The following PDE7B variants were observed in gnomAD, a reference collection of about 807,000 sequenced individuals.
The protein encoded by PDE7B is phosphodiesterase 7B, also known as 3',5'-cyclic-AMP phosphodiesterase 7B.
PDE7B carries 29 observed loss-of-function variants against 56.2 expected under a neutral mutation model. The observed-to-expected ratio is 0.52, with a 90% CI of 0.38 to 0.70. PDE7B has a LOEUF of 0.70. Ranked by LOEUF, PDE7B falls within the 30% of genes least tolerant of loss-of-function variation. The pLI, the probability that PDE7B is intolerant of heterozygous loss-of-function variation, is 0.00. For synonymous variants in PDE7B, 197 were observed against 196.9 expected (o/e 1.00, Z 0.00); for missense variants, 490 against 565.0 (o/e 0.87, Z 1.35).
chr6:135,904,643 A>G (rs1776065560), intron 1 of PDE7B, among the ~76,000 whole-genome samples: 1 of 152,208 alleles, frequency 6.6e-6, no homozygotes, highest in Admixed American at 6.5e-5. Flanking sequence ...AAACACTGTG[A>G]TGTAAAATAA....
intron 1 of PDE7B, among the ~76,000 whole-genome samples, chr6:135,885,264 G>A (rs1412354838): frequency 1.3e-5 from 2 of 151,688 alleles, no homozygotes; most frequent in African/African-American, 2.4e-5. Context: ...TCATCATGAT[G>A]CCTTGAAAAT....
At chr6:135,889,683 C>T (rs1216868823) in intron 1 of PDE7B, among the ~76,000 whole-genome samples, 24 of 146,250 alleles carry the variant, frequency 1.6e-4, no homozygotes, top group African/African-American at 5.6e-4. Context: ...TCAGGTTATC[C>T]GCCCACCTCA....
chr6:136,029,812 CT>C (rs1361319086), intron 2 of PDE7B, among the ~76,000 whole-genome samples: 2 of 152,096 alleles, frequency 1.3e-5, no homozygotes, highest in Admixed American at 1.3e-4. Context: ...GTGTGCTGGG[CT>C]TTTTTCCCTT....
chr6:136,124,866 G>A (rs1777995677), intron 3 of PDE7B, among the ~76,000 whole-genome samples: 1 of 152,140 alleles, frequency 6.6e-6, no homozygotes, highest in Non-Finnish European at 1.5e-5. Context: ...TTGCCCTATT[G>A]TGTGAAGTTT....
At chr6:135,980,061 C>A (rs1325009689) in intron 2 of PDE7B, among the ~76,000 whole-genome samples, 2 of 152,060 alleles carry the variant, frequency 1.3e-5, no homozygotes, top group Non-Finnish European at 2.9e-5. Context: ...CTACAGTAAC[C>A]AAAACAGCAT....
chr6:136,052,350 CT>C (rs2128211334), intron 2 of PDE7B, among the ~76,000 whole-genome samples: 1 of 152,294 alleles, frequency 6.6e-6, no homozygotes, highest in African/African-American at 2.4e-5. Flanking sequence ...TTTTTCCTGG[CT>C]TCGGGTATGT....
At chr6:136,111,454 A>T (rs183471693) in intron 3 of PDE7B, among the ~76,000 whole-genome samples, 96 of 152,354 alleles carry the variant, frequency 6.3e-4, no homozygotes, top group African/African-American at 2.3e-3. Context: ...AATGCACCAA[A>T]GACCCCATTG....
In PDE7B at chr6:135,990,101, T is replaced by G. The variant is rs985626407; in HGVS notation, c.82+42577T>G. On this transcript the variant is annotated intron_variant, in intron 2 of 12. Coordinates refer to ENST00000308191, the MANE Select transcript of PDE7B (RefSeq NM_018945.4). ...TTTTGATTTTTGGGGTTTTTTTGTT[T>G]TTTTTTTTTTTTGAGACAGAGTCTC... is the stretch of plus-strand genomic sequence containing the variant. 1.4e-4 allele frequency among the ~76,000 whole-genome samples: 21 copies of G among 150,416 alleles called. 1 individual carries two copies. The highest frequency in any genetic ancestry group is 5.3e-4 in the Admixed American group (8 of 15,124).
At chr6:135,916,392 C>CTTTTTTTTTTTTTTTT (rs566408380) in intron 1 of PDE7B, among the ~76,000 whole-genome samples, 24 of 96,344 alleles carry the variant, frequency 2.5e-4, no homozygotes, top group South Asian at 8.5e-4. Flanking sequence ...TCTTTTCTTT[C>CTTTTTTTTTTTTTTTT]TTTTTTTTTT....
intron 2 of PDE7B, among the ~76,000 whole-genome samples, chr6:136,091,689 A>C (rs548058635): frequency 6.6e-6 from 1 of 152,244 alleles, no homozygotes; most frequent in Non-Finnish European, 1.5e-5. Flanking sequence ...GTATTGTCTT[A>C]ATTGTGTAGC....
At chr6:135,989,783 T>C (rs1464540703) in intron 2 of PDE7B, among the ~76,000 whole-genome samples, 5 of 152,216 alleles carry the variant, frequency 3.3e-5, no homozygotes, top group Non-Finnish European at 7.3e-5. Flanking sequence ...AGGAGTTAAC[T>C]GCCCACTTGG....
At chr6:135,961,963 G>A (rs1049789641) in intron 2 of PDE7B, among the ~76,000 whole-genome samples, 1 of 152,120 alleles carries the variant, frequency 6.6e-6, no homozygotes, top group Non-Finnish European at 1.5e-5. Context: ...GCAACATCAA[G>A]AGTGAACTGT....
At chr6:136,066,980 C>A (rs544303130) in intron 2 of PDE7B, among the ~76,000 whole-genome samples, 10 of 152,090 alleles carry the variant, frequency 6.6e-5, no homozygotes. Flanking sequence ...CTCAGCCTCC[C>A]AAGTAGATGG....
At chr6:135,916,785 C>T (rs1241353684) in intron 1 of PDE7B, among the ~76,000 whole-genome samples, 3 of 152,032 alleles carry the variant, frequency 2.0e-5, no homozygotes, top group African/African-American at 7.2e-5. Flanking sequence ...CATACAATTT[C>T]ATTGTCAGAT....
chr6:136,052,128 G>A (rs1407790742), intron 2 of PDE7B, among the ~76,000 whole-genome samples: 1 of 151,384 alleles, frequency 6.6e-6, no homozygotes, highest in Non-Finnish European at 1.5e-5. Context: ...CTTATATGAA[G>A]CTTACAATAA....
intron 2 of PDE7B, among the ~76,000 whole-genome samples, chr6:136,105,516 TTGGGTTGA>T (rs1777632180): frequency 6.6e-6 from 1 of 152,210 alleles, no homozygotes; most frequent in African/African-American, 2.4e-5. Flanking sequence ...CTTTGGGTTG[TTGGGTTGA>T]TGATGTGAGA....
intron 2 of PDE7B, among the ~76,000 whole-genome samples, chr6:135,963,106 G>T (rs996507454): frequency 1.3e-5 from 2 of 152,080 alleles, no homozygotes; most frequent in Non-Finnish European, 1.5e-5. Flanking sequence ...TCTCAAAATC[G>T]AAACATGTAA....
chr6:135,899,838 C>T (rs1775968518), intron 1 of PDE7B, among the ~76,000 whole-genome samples: 1 of 152,034 alleles, frequency 6.6e-6, no homozygotes, highest in Non-Finnish European at 1.5e-5. Flanking sequence ...ATGATAAAAT[C>T]TTTCTATTGT....
intron 3 of PDE7B, among the ~76,000 whole-genome samples, chr6:136,141,922 G>A (rs548978537): frequency 1.4e-4 from 19 of 134,558 alleles, no homozygotes; most frequent in African/African-American, 5.8e-4. Context: ...TGGATTCATT[G>A]ATTTTTTGAA....
Sources: allele counts gnomAD v4.1 joint callset (sites outside exome capture counted in the v4.1 genomes callset), GRCh38; gene constraint gnomAD v4.1.1; transcripts MANE v1.5; gene names NCBI Gene and HGNC (gene_info 2026-07-23, HGNC 2026-07-21).